The following SORCS2 variants were observed in gnomAD, a reference collection of about 807,000 sequenced individuals.
SORCS2 encodes sortilin related VPS10 domain containing receptor 2.
Under a neutral mutation model 141.6 loss-of-function variants are expected in SORCS2, and 100 were observed. That is an observed-to-expected ratio of 0.71 (90% CI 0.60 to 0.83). The LOEUF is 0.83. Ranked by LOEUF, SORCS2 falls within the 40% of genes least tolerant of loss-of-function variation. The pLI is 0.00. For synonymous variants in SORCS2, 789 were observed against 676.9 expected (o/e 1.17, Z -2.57); for missense variants, 1,646 against 1,560.2 (o/e 1.05, Z -0.93).
At chr4:7,670,265 T>A (rs973208273) in intron 8 of SORCS2, among the ~76,000 whole-genome samples, 8 of 152,186 alleles carry the variant, frequency 5.3e-5, no homozygotes, top group African/African-American at 1.9e-4. Flanking sequence ...CTATAAAGGG[T>A]GGGCCGTTTT....
intron 8 of SORCS2, among the ~76,000 whole-genome samples, chr4:7,667,519 C>A (rs374879875): frequency 6.6e-6 from 1 of 152,252 alleles, no homozygotes; most frequent in African/African-American, 2.4e-5. Context: ...TTGCTAAAGG[C>A]CCCCCAGGCG....
At chr4:7,231,120 G>T (rs1297952251) in intron 1 of SORCS2, among the ~76,000 whole-genome samples, 1 of 152,228 alleles carries the variant, frequency 6.6e-6, no homozygotes, top group African/African-American at 2.4e-5. Context: ...TAAAGATGGA[G>T]GCTGGCAGGT....
rs1560447838 is a variant in SORCS2 at position 7,640,059 on chromosome 4, GTGTGTT to G, written c.813+1569_813+1574del. 2.0e-5 allele frequency among the ~76,000 whole-genome samples: 3 copies of G among 151,496 alleles called. No individual in the cohort carries two copies. The East Asian group carries it at 5.8e-4, about 29-fold the overall frequency. ...TGTGCATGTGTGAGAGTGTGAGTGT[GTGTGTT>G]TATGAGTGTGAAACAGCATGTCAGT... On this transcript the variant is annotated intron_variant, in intron 4 of 26. Coordinates refer to ENST00000507866, the MANE Select transcript of SORCS2 (RefSeq NM_020777.3).
intron 2 of SORCS2, among the ~76,000 whole-genome samples, chr4:7,410,007 G>A (rs182610625): frequency 6.4e-4 from 98 of 152,332 alleles, no homozygotes; most frequent in African/African-American, 2.0e-3. Context: ...GCAATGCAGC[G>A]TCCTCTGACG....
intron 2 of SORCS2, among the ~76,000 whole-genome samples, chr4:7,508,164 T>C (rs1194044185): frequency 1.4e-5 from 2 of 147,290 alleles, no homozygotes; most frequent in African/African-American, 5.0e-5. Flanking sequence ...AAAAATAAGA[T>C]TGAATTTTAA....
intron 1 of SORCS2, among the ~76,000 whole-genome samples, chr4:7,255,851 A>C (rs928903033): frequency 2.1e-5 from 3 of 144,934 alleles, no homozygotes; most frequent in African/African-American, 5.1e-5. Context: ...GTGCGTGGGG[A>C]CCCGGGGCTG....
At chr4:7,441,458 A>T (rs1727659210) in intron 2 of SORCS2, among the ~76,000 whole-genome samples, 1 of 151,940 alleles carries the variant, frequency 6.6e-6, no homozygotes, top group South Asian at 2.1e-4. Flanking sequence ...CCTGACTCAT[A>T]CCTGAGCTGA....
At chr4:7,416,929 C>T (rs1258460307) in intron 2 of SORCS2, among the ~76,000 whole-genome samples, 2 of 152,190 alleles carry the variant, frequency 1.3e-5, no homozygotes, top group Non-Finnish European at 2.9e-5. Context: ...CACATTCACA[C>T]ACACGCACAC....
chr4:7,600,932 C>T (rs575346325), intron 3 of SORCS2, among the ~76,000 whole-genome samples: 2 of 152,304 alleles, frequency 1.3e-5, no homozygotes, highest in Non-Finnish European at 2.9e-5. Context: ...ACAGCCCAGG[C>T]TGGTGGGCAA....
rs1461010894 is a variant in SORCS2, at chr4:7,695,641, TGGA to T, written c.1592-1556_1592-1554del. ...ATGGATGGATGGATGGGTGGGTGGA[TGGA>T]TGGATGGATGGATGGATGGATGGAT... On this transcript the variant is annotated intron_variant, in intron 11 of 26. Coordinates refer to ENST00000507866, the MANE Select transcript of SORCS2 (RefSeq NM_020777.3). Among the ~76,000 whole-genome samples, 4 of 7,258 alleles carry T rather than the reference TGGA, an allele frequency of 5.5e-4. 1 individual carries two copies. The highest frequency in any genetic ancestry group is 2.2e-3 in the African/African-American group (4 of 1,782). The allele number at this position is 7,258 out of a possible 152,430, so 4.8% of individuals were successfully genotyped here.
chr4:7,222,306 T>G (rs4689655), intron 1 of SORCS2, among the ~76,000 whole-genome samples: 1 of 151,992 alleles, frequency 6.6e-6, no homozygotes, highest in Non-Finnish European at 1.5e-5. Flanking sequence ...TATTCAGCCA[T>G]GGACAGGAAT....
chr4:7,543,849 C>T (rs1384870140), intron 3 of SORCS2, among the ~76,000 whole-genome samples: 40 of 99,740 alleles, frequency 4.0e-4, no homozygotes, highest in Non-Finnish European at 6.0e-4. Flanking sequence ...TCCACTCATC[C>T]GTCCATCCAT....
chr4:7,440,687 C>T (rs899926381), intron 2 of SORCS2, among the ~76,000 whole-genome samples: 2 of 152,232 alleles, frequency 1.3e-5, no homozygotes, highest in Non-Finnish European at 2.9e-5. Context: ...CTGCCACTTG[C>T]TCCCTGCCCA....
At chr4:7,499,216 A>G (rs1244580508) in intron 2 of SORCS2, among the ~76,000 whole-genome samples, 1 of 152,016 alleles carries the variant, frequency 6.6e-6, no homozygotes, top group African/African-American at 2.4e-5. Context: ...GAGTGTGTGC[A>G]CGTCACCCCC....
chr4:7,649,389 T>G (rs1357935460), intron 4 of SORCS2, among the ~76,000 whole-genome samples: 1 of 147,816 alleles, frequency 6.8e-6, no homozygotes, highest in Admixed American at 6.7e-5. Context: ...GGGTGTGGGC[T>G]TTTTTGGAGG....
rs1727481752 is a variant in SORCS2 at position 7,201,531 on chromosome 4, G to T, written c.480+8405G>T. Reference sequence around the variant, plus strand: ...CTTTATTTTATGGTGATTTTTCAGAGTCAGGCTAAGACTTGTGCAGATGAT... The same window carrying T: ...CTTTATTTTATGGTGATTTTTCAGATTCAGGCTAAGACTTGTGCAGATGAT... On this transcript the variant is annotated intron_variant, in intron 1 of 26. Coordinates refer to ENST00000507866, the MANE Select transcript of SORCS2 (RefSeq NM_020777.3). The surrounding 1 kb of genome is among the most constrained non-coding windows in gnomAD (Gnocchi z 4.4). 6.6e-6 allele frequency among the ~76,000 whole-genome samples: 1 copy of T among 152,190 alleles called. No individual in the cohort carries two copies. The highest frequency in any genetic ancestry group is 1.5e-5 in the Non-Finnish European group (1 of 68,042).
intron 7 of SORCS2, among the ~76,000 whole-genome samples, chr4:7,665,782 A>G (rs907711372): frequency 7.2e-5 from 11 of 152,226 alleles, no homozygotes; most frequent in African/African-American, 2.7e-4. Context: ...GAGCAAAGAC[A>G]GTGTCAGCTC....
chr4:7,560,090 C>A lies in SORCS2; in HGVS notation c.648+28461C>A, dbSNP rs141585404. On this transcript the variant is annotated intron_variant, in intron 3 of 26. Coordinates refer to ENST00000507866, the MANE Select transcript of SORCS2 (RefSeq NM_020777.3). Reference sequence around the variant, plus strand: ...GGATAGGCGACAGTCTGAACAAATGCTCACATCCTCGCAGGTTAGGAGCAC... The same window carrying A: ...GGATAGGCGACAGTCTGAACAAATGATCACATCCTCGCAGGTTAGGAGCAC... 3.7e-3 allele frequency among the ~76,000 whole-genome samples: 563 copies of A among 152,348 alleles called. 2 individuals carry two copies. Among genetic ancestry groups the A allele is most frequent in the Middle Eastern group, 0.01 (3 of 294 alleles).
chr4:7,374,902 G>T (rs1157791393), intron 1 of SORCS2, among the ~76,000 whole-genome samples: 1 of 152,170 alleles, frequency 6.6e-6, no homozygotes, highest in Admixed American at 6.5e-5. Flanking sequence ...TGCGGGCAAG[G>T]CCTGGAGCTG....
Sources: allele counts gnomAD v4.1 joint callset (sites outside exome capture counted in the v4.1 genomes callset), GRCh38; gene constraint gnomAD v4.1.1; non-coding constraint Gnocchi (gnomAD v3.1); transcripts MANE v1.5; gene names NCBI Gene and HGNC (gene_info 2026-07-23, HGNC 2026-07-21).